DPP10: variants seen among roughly 807,000 people sequenced by gnomAD.
DPP10 encodes the protein dipeptidyl peptidase like 10, also known as inactive dipeptidyl peptidase 10.
Under a neutral mutation model 120.9 loss-of-function variants are expected in DPP10, and 33 were observed. That is an observed-to-expected ratio of 0.27 (90% CI 0.21 to 0.37). DPP10 has a LOEUF of 0.37. Ranked by LOEUF, DPP10 falls within the 10% of genes least tolerant of loss-of-function variation. The pLI, the probability that DPP10 is intolerant of heterozygous loss-of-function variation, is 1.00. For missense variants in DPP10, 816 were observed against 942.8 expected (o/e 0.87, Z 1.76); for synonymous variants, 337 against 326.1 (o/e 1.03, Z -0.36).
intron 1 of DPP10, among the ~76,000 whole-genome samples, chr2:114,877,766 T>C (rs1691274685): frequency 6.6e-6 from 1 of 152,030 alleles, no homozygotes; most frequent in Admixed American, 6.6e-5. Flanking sequence ...TGTGGAGTCA[T>C]GAAGCCATGA....
intron 1 of DPP10, among the ~76,000 whole-genome samples, chr2:115,043,524 T>G (rs1292703662): frequency 6.6e-6 from 1 of 152,216 alleles, no homozygotes; most frequent in Non-Finnish European, 1.5e-5. Context: ...CAGTGGCTGA[T>G]GCCTACCGTA....
intron 1 of DPP10, among the ~76,000 whole-genome samples, chr2:115,105,663 A>G (rs796230643): frequency 2.0e-5 from 3 of 152,342 alleles, no homozygotes; most frequent in African/African-American, 4.8e-5. Context: ...AACTATATCA[A>G]TATGATTCTG....
At chr2:115,468,132 G>C (rs1553421368) in intron 3 of DPP10, 1 of 492,396 alleles carries the variant, frequency 2.0e-6, no homozygotes, top group Non-Finnish European at 4.0e-6. Context: ...ACCCACTTAG[G>C]TGGCACCAAC....
chr2:115,342,792 AT>A (rs1463727907), intron 2 of DPP10, among the ~76,000 whole-genome samples: 3 of 151,920 alleles, frequency 2.0e-5, no homozygotes, highest in African/African-American at 4.8e-5. Flanking sequence ...TTTTACTATA[AT>A]TTTTTTTCCA....
intron 1 of DPP10, among the ~76,000 whole-genome samples, chr2:115,187,103 C>T (rs1013970773): frequency 1.5e-5 from 2 of 135,348 alleles, no homozygotes; most frequent in African/African-American, 5.5e-5. Flanking sequence ...ATGGCGCAAT[C>T]TCGGCTCACT....
chr2:114,504,771 T>C (rs907454654), intron 1 of DPP10, among the ~76,000 whole-genome samples: 2 of 152,044 alleles, frequency 1.3e-5, no homozygotes, highest in African/African-American at 4.8e-5. Flanking sequence ...TAAACTGAGG[T>C]GGCTGGGCGT....
At chr2:115,191,001 G>A (rs2054840108) in intron 1 of DPP10, among the ~76,000 whole-genome samples, 1 of 152,134 alleles carries the variant, frequency 6.6e-6, no homozygotes, top group Non-Finnish European at 1.5e-5. Context: ...GAAGAAGGAG[G>A]TGCAGGAGGT....
At chr2:115,384,713 G>GA (rs2066780409) in intron 3 of DPP10, among the ~76,000 whole-genome samples, 1 of 150,498 alleles carries the variant, frequency 6.6e-6, no homozygotes, top group African/African-American at 2.5e-5. Context: ...GAAGAAAGAA[G>GA]AAGAAGAAGA....
At chr2:115,611,706 G>A (rs1229426629) in intron 5 of DPP10, among the ~76,000 whole-genome samples, 1 of 152,148 alleles carries the variant, frequency 6.6e-6, no homozygotes, top group Admixed American at 6.6e-5. Context: ...TGATGGGGGA[G>A]CAGTCCAGAA....
chr2:115,688,034 AAGAGAGAG>A (rs70941088), intron 5 of DPP10, among the ~76,000 whole-genome samples: 1 of 150,200 alleles, frequency 6.7e-6, no homozygotes, highest in East Asian at 1.9e-4. Context: ...GAGAGAGAAA[AAGAGAGAG>A]AGAGAGAGAG....
At chr2:115,516,569 T>A (rs943364551) in intron 4 of DPP10, among the ~76,000 whole-genome samples, 36 of 85,526 alleles carry the variant, frequency 4.2e-4, no homozygotes, top group African/African-American at 1.3e-3. Flanking sequence ...GCCTTGTTAT[T>A]CTTTGTTTTT....
At chr2:115,093,044 T>C (rs1216554119) in intron 1 of DPP10, among the ~76,000 whole-genome samples, 1 of 152,100 alleles carries the variant, frequency 6.6e-6, no homozygotes, top group Non-Finnish European at 1.5e-5. Context: ...CCCATTAAGA[T>C]AAAAAGCTAG....
intron 1 of DPP10, among the ~76,000 whole-genome samples, chr2:115,209,638 A>G (rs978030105): frequency 2.0e-5 from 3 of 151,986 alleles, no homozygotes; most frequent in African/African-American, 7.2e-5. Flanking sequence ...TCTTCTCTTT[A>G]TCTCCTGAGC....
intron 1 of DPP10, among the ~76,000 whole-genome samples, chr2:114,565,924 C>T (rs1689163081): frequency 6.6e-6 from 1 of 152,136 alleles, no homozygotes; most frequent in African/African-American, 2.4e-5. Context: ...TATTAAGTAC[C>T]TCCCTCTGTG....
At chr2:114,818,199 T>A (rs556591944) in intron 1 of DPP10, among the ~76,000 whole-genome samples, 64 of 152,296 alleles carry the variant, frequency 4.2e-4, no homozygotes, top group African/African-American at 1.5e-3. Flanking sequence ...ATTTCCTTTT[T>A]TTTGACCATT....
intron 1 of DPP10, among the ~76,000 whole-genome samples, chr2:114,919,036 CAAAAAAAAAA>C (rs10559818): frequency 8.0e-6 from 1 of 124,860 alleles, no homozygotes; most frequent in African/African-American, 2.9e-5. Flanking sequence ...AAAGAGATTC[CAAAAAAAAAA>C]AAAAAAAAGA....
intron 5 of DPP10, among the ~76,000 whole-genome samples, chr2:115,642,711 A>G (rs541613996): frequency 6.6e-5 from 10 of 152,102 alleles, no homozygotes; most frequent in Admixed American, 5.3e-4. Flanking sequence ...GTACAAATAT[A>G]TGTGTGTTTA....
intron 3 of DPP10, among the ~76,000 whole-genome samples, chr2:115,430,521 A>C (rs1390185498): frequency 1.3e-5 from 2 of 152,160 alleles, no homozygotes; most frequent in Admixed American, 1.3e-4. Flanking sequence ...TTTGTCCGTC[A>C]AAGTATTCAA....
intron 1 of DPP10, among the ~76,000 whole-genome samples, chr2:115,201,720 C>T (rs1050614493): frequency 2.6e-5 from 4 of 152,072 alleles, no homozygotes; most frequent in African/African-American, 9.7e-5. Flanking sequence ...AAAATGACTC[C>T]ACCTCCTGCT....
Sources: allele counts gnomAD v4.1 joint callset (sites outside exome capture counted in the v4.1 genomes callset), GRCh38; gene constraint gnomAD v4.1.1; transcripts MANE v1.5; gene names NCBI Gene and HGNC (gene_info 2026-07-23, HGNC 2026-07-21).